Variants in UBAC2 observed in about 807,000 individuals in gnomAD.
The protein encoded by UBAC2 is UBA domain containing 2, also known as ubiquitin-associated domain-containing protein 2.
A neutral mutation model predicts 44.0 loss-of-function variants in UBAC2; 26 were observed. That is an observed-to-expected ratio of 0.59 (90% CI 0.43 to 0.82). UBAC2 has a LOEUF of 0.82. UBAC2 is among the 40% of genes least tolerant of loss of function. The pLI is 0.00. For missense variants in UBAC2, 329 were observed against 419.4 expected, an observed-to-expected ratio of 0.78 and a Z score of 1.88; for synonymous variants, 155 against 154.3, an observed-to-expected ratio of 1.00 and a Z score of -0.04.
chr13:99,365,549 C>G (rs1370915548), intron 7 of UBAC2, among the ~76,000 whole-genome samples: 1 of 151,592 alleles, frequency 6.6e-6, no homozygotes, highest in Non-Finnish European at 1.5e-5. Flanking sequence ...TTTTGGTTTC[C>G]AAATGTGTGA....
At chr13:99,377,592 T>C (rs183974612) in intron 8 of UBAC2, 8 of 152,332 alleles carry the variant, frequency 5.3e-5, no homozygotes, top group Admixed American at 4.6e-4. Context: ...TATATAGTCA[T>C]CAGAGTTGTG....
At chr13:99,301,396 A>T (rs2044254797) in intron 4 of UBAC2, among the ~76,000 whole-genome samples, 1 of 152,198 alleles carries the variant, frequency 6.6e-6, no homozygotes, top group Admixed American at 6.5e-5. Context: ...TTGCCTCTGT[A>T]ATGCAGTACT....
At chr13:99,246,481 G>A (rs994534539) in intron 4 of UBAC2, among the ~76,000 whole-genome samples, 1 of 150,042 alleles carries the variant, frequency 6.7e-6, no homozygotes, top group South Asian at 2.1e-4. Context: ...TTTGGTTCCT[G>A]TATAGCCTAC....
intron 7 of UBAC2, among the ~76,000 whole-genome samples, chr13:99,353,021 T>C (rs754027225): frequency 2.0e-5 from 3 of 152,240 alleles, no homozygotes; most frequent in Non-Finnish European, 2.9e-5. Context: ...CTCAGCACTT[T>C]TCCTTTTTGG....
intron 7 of UBAC2, among the ~76,000 whole-genome samples, chr13:99,346,033 A>G (rs1038903355): frequency 6.6e-6 from 1 of 152,056 alleles, no homozygotes; most frequent in African/African-American, 2.4e-5. Flanking sequence ...GAGCCACCGC[A>G]CACAGCCGAC....
At chr13:99,215,519 C>T (rs1251090020) in intron 1 of UBAC2, 19 of 1,468,368 alleles carry the variant, frequency 1.3e-5, no homozygotes, top group Non-Finnish European at 1.6e-5. Flanking sequence ...GTAATATACA[C>T]TTTACCTTTA....
chr13:99,241,610 T>C (rs1195732225), intron 2 of UBAC2, among the ~76,000 whole-genome samples: 1 of 152,140 alleles, frequency 6.6e-6, no homozygotes, highest in Non-Finnish European at 1.5e-5. Flanking sequence ...GAAGTTAGCA[T>C]GGCATTTCTG....
chr13:99,248,036 C>T lies in UBAC2; in HGVS notation c.389+3412C>T, dbSNP rs566657866. Among the ~76,000 whole-genome samples, 10 of 152,212 alleles carry T rather than the reference C, an allele frequency of 6.6e-5. No individual in the cohort carries two copies. In the South Asian group the frequency reaches 1.7e-3, roughly 25 times the overall value. ...TGAAACCACCTGCTCTCTTGAGTCC[C>T]ACACACTACTCCCTCCTAATTCTTT... On this transcript the variant is annotated intron_variant, in intron 4 of 8. Coordinates refer to ENST00000403766, the MANE Select transcript of UBAC2 (RefSeq NM_001144072.2).
intron 4 of UBAC2, among the ~76,000 whole-genome samples, chr13:99,270,976 C>T (rs2043808075): frequency 6.6e-6 from 1 of 152,108 alleles, no homozygotes; most frequent in Non-Finnish European, 1.5e-5. Flanking sequence ...TTTCTGATTT[C>T]CCCAATCTTT....
chr13:99,295,455 G>A lies in UBAC2; in HGVS notation c.390-18642G>A, dbSNP rs752357194. 6.2e-7 allele frequency: 1 copy of A among 1,614,000 alleles called. No homozygotes were observed. The highest frequency in any genetic ancestry group is 1.3e-5 in the African/African-American group (1 of 75,004). ...TTTACACCAGATTTCTCAGTGAGTGGGTTTTGTTTGGCAGTTCTGAAGAGT... is the reference window on the plus strand; with the variant it reads ...TTTACACCAGATTTCTCAGTGAGTGAGTTTTGTTTGGCAGTTCTGAAGAGT... On this transcript the variant is annotated intron_variant, in intron 4 of 8. Coordinates refer to ENST00000403766, the MANE Select transcript of UBAC2 (RefSeq NM_001144072.2). This position sits in a 1 kb window ranked among gnomAD's most constrained non-coding sequence, Gnocchi z 4.1.
intron 7 of UBAC2, among the ~76,000 whole-genome samples, chr13:99,358,643 G>A (rs533449967): frequency 3.5e-4 from 53 of 152,324 alleles, no homozygotes; most frequent in Middle Eastern, 3.4e-3. Flanking sequence ...GGGGCTTGAC[G>A]AGATTTGTAT....
intron 4 of UBAC2, among the ~76,000 whole-genome samples, chr13:99,276,861 A>G (rs1191860078): frequency 6.6e-6 from 1 of 152,222 alleles, no homozygotes; most frequent in Non-Finnish European, 1.5e-5. Context: ...CCAAACACCA[A>G]ATACATTTTT....
At chr13:99,218,390 T>C (rs2142678157) in intron 1 of UBAC2, among the ~76,000 whole-genome samples, 1 of 152,174 alleles carries the variant, frequency 6.6e-6, no homozygotes, top group African/African-American at 2.4e-5. Context: ...GGATTTTAAA[T>C]TTTACAGCTC....
intron 7 of UBAC2, among the ~76,000 whole-genome samples, chr13:99,352,036 C>G (rs1430231770): frequency 6.6e-6 from 1 of 152,180 alleles, no homozygotes; most frequent in Non-Finnish European, 1.5e-5. Context: ...TTTATCCTCC[C>G]CCAGCAACAG....
chr13:99,314,106 T>A lies in UBAC2; in HGVS notation c.399T>A (p.Pro133=). The A allele has an allele frequency of 6.2e-7, 1 of 1,607,878 alleles. No homozygotes were observed. The highest frequency in any genetic ancestry group is 8.5e-7 in the Non-Finnish European group (1 of 1,178,002). The stretch of plus-strand genomic sequence containing the variant: ...TTATTTGTTTGCATAGCCTGGCACC[T>A]GTGTTTGCTCTGTTTGTACCATTTT... ...ASNLPSGFLA[P]VFALFVPFYC... The change falls in exon 5 of 9, where the codon CCT becomes CCA. Residue 133 remains proline (P), a synonymous_variant. Coordinates refer to ENST00000403766, the MANE Select transcript of UBAC2 (RefSeq NM_001144072.2).
At chr13:99,205,423 C>T (rs1165136115) in intron 1 of UBAC2, among the ~76,000 whole-genome samples, 2 of 152,140 alleles carry the variant, frequency 1.3e-5, no homozygotes, top group Non-Finnish European at 1.5e-5. Flanking sequence ...TCAAACGCTG[C>T]TCCTGTCCCA....
At chr13:99,368,781 A>G (rs2045368032) in intron 8 of UBAC2, among the ~76,000 whole-genome samples, 1 of 151,564 alleles carries the variant, frequency 6.6e-6, no homozygotes, top group Non-Finnish European at 1.5e-5. Context: ...TCCTGGTAGC[A>G]GTGGGCTCAC....
Position 99,386,136 on chromosome 13 carries a change from A to G in UBAC2, c.*801A>G, listed in dbSNP as rs2045617543. The G allele has an allele frequency of 6.6e-6, 1 of 152,254 alleles. No homozygotes were observed. Among genetic ancestry groups the G allele is most frequent in the South Asian group, 2.1e-4 (1 of 4,838 alleles). 9.4% of individuals were successfully genotyped at this position (152,254 alleles called of 1,614,324 possible). ...TCCCTTGCCTGCCCCTCCCTGTGGC[A>G]GGGCTAACTGCCTGGCCCTCCTGGC... On this transcript the variant is annotated 3_prime_UTR_variant, in exon 9 of 9. Transcript: ENST00000403766.
chr13:99,368,243 C>T (rs907274216), intron 8 of UBAC2, among the ~76,000 whole-genome samples: 6 of 152,056 alleles, frequency 3.9e-5, no homozygotes, highest in Non-Finnish European at 8.8e-5. Flanking sequence ...GGGAGTGTGC[C>T]TTTGGCATGG....
Sources: allele counts gnomAD v4.1 joint callset (sites outside exome capture counted in the v4.1 genomes callset), GRCh38; gene constraint gnomAD v4.1.1; non-coding constraint Gnocchi (gnomAD v3.1); transcripts MANE v1.5; gene names NCBI Gene and HGNC (gene_info 2026-07-23, HGNC 2026-07-21).